NDUFAF1: variants seen among roughly 807,000 people sequenced by gnomAD.
The protein encoded by NDUFAF1 is NADH:ubiquinone oxidoreductase complex assembly factor 1.
A neutral mutation model predicts 28.7 loss-of-function variants in NDUFAF1; 18 were observed. That is an observed-to-expected ratio of 0.63 (90% confidence interval 0.43 to 0.93). The LOEUF (loss-of-function observed/expected upper bound fraction) is 0.93. Ranked by LOEUF, NDUFAF1 falls within the 40% of genes least tolerant of loss-of-function variation. NDUFAF1 has a pLI of 0.00. For synonymous variants in NDUFAF1, 113 were observed against 139.7 expected, an observed-to-expected ratio of 0.81 and a Z score of 1.35; for missense variants, 404 against 398.3, an observed-to-expected ratio of 1.01 and a Z score of -0.12.
intron 3 of NDUFAF1, among the ~76,000 whole-genome samples, chr15:41,391,904 G>C (rs138747987): frequency 8.5e-5 from 13 of 152,098 alleles, no homozygotes; most frequent in African/African-American, 2.9e-4. Flanking sequence ...GCAAAGCTCT[G>C]AGATGGAAAT....
intron 1 of NDUFAF1, among the ~76,000 whole-genome samples, chr15:41,400,786 C>A (rs1374015137): frequency 6.7e-6 from 1 of 149,364 alleles, no homozygotes; most frequent in Non-Finnish European, 1.5e-5. Flanking sequence ...ATCCACCTGC[C>A]TTGTTCTCCC....
chr15:41,396,034 G>A (rs1479327478), intron 2 of NDUFAF1, among the ~76,000 whole-genome samples: 1 of 151,316 alleles, frequency 6.6e-6, no homozygotes, highest in Non-Finnish European at 1.5e-5. Context: ...GTTGCAGTGA[G>A]CCGAGATCAC....
chr15:41,396,798 C>T lies in NDUFAF1; in HGVS notation c.262G>A (p.Asp88Asn), dbSNP rs755937936. Residue 88 changes from aspartate to asparagine, a missense_variant, in exon 2 of 5, where the codon GAT becomes AAT. Physicochemically the swap from Asp to Asn is conservative, Grantham distance 23. Transcript: ENST00000260361. ...PDVSFDKAIRDEAIYHFRLLK... is the reference protein window; with the variant it reads ...PDVSFDKAIRNEAIYHFRLLK... ...AGCCTAAAATGGTATATTGCTTCAT[C>T]TCTAATTGCTTTATCGAAACTAACA... 1.2e-5 allele frequency: 20 copies of T among 1,614,178 alleles called. No homozygotes were observed. The East Asian group carries it at 4.0e-4, about 32-fold the overall frequency.
At chr15:41,393,285 C>T (rs1406698901) in intron 3 of NDUFAF1, among the ~76,000 whole-genome samples, 6 of 148,264 alleles carry the variant, frequency 4.0e-5, no homozygotes, top group African/African-American at 5.0e-5. Context: ...CCACCATGCC[C>T]GGCTAATTTT....
At chr15:41,388,370 A>T in intron 4 of NDUFAF1, 78 bp downstream of exon 4, 2 of 1,170,356 alleles carry the variant, frequency 1.7e-6, no homozygotes, top group Non-Finnish European at 2.6e-6. Flanking sequence ...CAGCCTTCTC[A>T]AATGAACTCA....
rs1354208878 is a variant in NDUFAF1 at position 41,402,160 on chromosome 15, C to T, written c.-98G>A. ...ATGCCTTACCATGTGCCAGAAACTGCTCTAAGTGTTTCACTGACGGCTCAC... is the reference window on the plus strand; with the variant it reads ...ATGCCTTACCATGTGCCAGAAACTGTTCTAAGTGTTTCACTGACGGCTCAC... On this transcript the variant is annotated 5_prime_UTR_variant, in exon 1 of 5. Coordinates refer to ENST00000260361, the MANE Select transcript of NDUFAF1 (RefSeq NM_016013.4). 2 of 453,070 alleles carry T rather than the reference C, an allele frequency of 4.4e-6. No individual in the cohort carries two copies. Among genetic ancestry groups the T allele is most frequent in the East Asian group, 1.4e-4 (2 of 14,390 alleles). The allele number at this position is 453,070 out of a possible 1,614,324, so 28.1% of individuals were successfully genotyped here.
At chr15:41,401,930 C>T (rs2140933611) in intron 1 of NDUFAF1, among the ~76,000 whole-genome samples, 1 of 152,242 alleles carries the variant, frequency 6.6e-6, no homozygotes, top group South Asian at 2.1e-4. Context: ...CAAATGATAG[C>T]TCATAAAATG....
At position 41,394,018 on chromosome 15, in the gene NDUFAF1, AC is replaced by A. The variant is rs1228921324; in HGVS notation, c.759+840del. 22 of 200,888 alleles carry A rather than the reference AC, an allele frequency of 1.1e-4. 1 individual carries two copies. The highest frequency in any genetic ancestry group is 2.5e-4 in the South Asian group (8 of 31,498). The allele number at this position is 200,888 out of a possible 1,614,324, so 12.4% of individuals were successfully genotyped here. ...GCCACCACGCCTGGCCTAGGACACT[AC>A]TTTTTTTTTTTTTTTTTTTTTTTTT... is the stretch of plus-strand genomic sequence containing the variant. On this transcript the variant is annotated intron_variant, in intron 3 of 4. Coordinates refer to ENST00000260361, the MANE Select transcript of NDUFAF1 (RefSeq NM_016013.4).
At position 41,397,093 on chromosome 15, in the gene NDUFAF1, G is replaced by C. The variant is rs751720445; in HGVS notation, c.-34C>G. On this transcript the variant is annotated 5_prime_UTR_variant, in exon 2 of 5. Transcript: ENST00000260361. ...AAAATCAAAATGTAAGTTTCTTCCT[G>C]GGCTAGCAAGGGCCACCAAGAAGCT... 26 of 1,583,052 alleles carry C rather than the reference G, an allele frequency of 1.6e-5. No homozygotes were observed. Among genetic ancestry groups the C allele is most frequent in the South Asian group, 3.3e-5 (3 of 89,694 alleles).
At position 41,397,130 on chromosome 15, in the gene NDUFAF1, C is replaced by T; in HGVS notation, c.-71G>A. 1 of 1,203,738 alleles carries T rather than the reference C, an allele frequency of 8.3e-7. No individual in the cohort carries two copies. The allele number at this position is 1,203,738 out of a possible 1,614,324, so 74.6% of individuals were successfully genotyped here. A position where few individuals can be genotyped will look rare whatever the true frequency, so the allele number is the denominator to read the frequency against. On this transcript the variant is annotated 5_prime_UTR_variant, in exon 2 of 5. Coordinates refer to ENST00000260361, the MANE Select transcript of NDUFAF1 (RefSeq NM_016013.4). Reference sequence around the variant, plus strand: ...GCCACCAAGAAGCTTCAGCAAATAGCCCAATTCTACCTATAACAGAAGAGA... The same window carrying T: ...GCCACCAAGAAGCTTCAGCAAATAGTCCAATTCTACCTATAACAGAAGAGA...
At chr15:41,395,883 T>C (rs2050380305) in intron 2 of NDUFAF1, among the ~76,000 whole-genome samples, 1 of 148,860 alleles carries the variant, frequency 6.7e-6, no homozygotes, top group Non-Finnish European at 1.5e-5. Flanking sequence ...AGGTCAGGAG[T>C]TCAAGACCAG....
At chr15:41,395,165 TAAG>T (rs1366315600) in intron 2 of NDUFAF1, 121 bp from the exon 3 acceptor site, 7 of 843,486 alleles carry the variant, frequency 8.3e-6, no homozygotes, top group South Asian at 1.4e-5. Context: ...TTCTGCCCCA[TAAG>T]AAGGCACATA....
chr15:41,393,000 G>A (rs979828496), intron 3 of NDUFAF1, among the ~76,000 whole-genome samples: 2 of 152,132 alleles, frequency 1.3e-5, no homozygotes, highest in African/African-American at 4.8e-5. Context: ...GTCAGCTGCT[G>A]AGTGTATTTT....
chr15:41,394,069 C>T (rs1400694138), intron 3 of NDUFAF1: 1 of 147,880 alleles, frequency 6.8e-6, no homozygotes, highest in East Asian at 1.8e-4. Context: ...GCTCTTGTTG[C>T]CCAGGCTGGA....
chr15:41,393,121 G>GTTTT (rs763641971), intron 3 of NDUFAF1, among the ~76,000 whole-genome samples: 5 of 123,960 alleles, frequency 4.0e-5, no homozygotes, highest in South Asian at 2.5e-4. Context: ...TTCTTGTTGA[G>GTTTT]TTTTTTTTTT....
At chr15:41,389,857 T>C (rs1313996665) in intron 3 of NDUFAF1, among the ~76,000 whole-genome samples, 1 of 152,164 alleles carries the variant, frequency 6.6e-6, no homozygotes, top group Non-Finnish European at 1.5e-5. Context: ...GAATATAGCC[T>C]ATGAAAATAG....
intron 1 of NDUFAF1, among the ~76,000 whole-genome samples, chr15:41,400,890 C>A (rs891115321): frequency 1.3e-5 from 2 of 151,726 alleles, no homozygotes; most frequent in African/African-American, 4.8e-5. Context: ...GCCATCCACA[C>A]ACAAATCCTA....
intron 3 of NDUFAF1, among the ~76,000 whole-genome samples, chr15:41,394,620 CTTTTTTTT>C (rs35958824): frequency 2.3e-4 from 13 of 55,588 alleles, no homozygotes; most frequent in African/African-American, 8.3e-4. Flanking sequence ...ATCTCCAAGA[CTTTTTTTT>C]TTTTTTTTTT....
rs769044074 is a variant in NDUFAF1 at position 41,395,021 on chromosome 15, A to C, written c.597T>G (p.Ser199=). Residue 199 remains serine, a synonymous_variant, in exon 3 of 5, where the codon TCT becomes TCG. Transcript: ENST00000260361. ...GAGTATTGAACTGGGACCAATCGTAAGACATCTTCCTCTCAAAAGCACCCT... is the reference window on the plus strand; with the variant it reads ...GAGTATTGAACTGGGACCAATCGTACGACATCTTCCTCTCAAAAGCACCCT... ...IPRGAFERKM[S]YDWSQFNTLY... is the part of the protein sequence containing the mutation. The C allele has an allele frequency of 8.7e-6, 14 of 1,613,976 alleles. No homozygotes were observed. The African/African-American group carries it at 1.6e-4, about 18-fold the overall frequency.
Sources: allele counts gnomAD v4.1 joint callset (sites outside exome capture counted in the v4.1 genomes callset), GRCh38; gene constraint gnomAD v4.1.1; transcripts MANE v1.5; gene names NCBI Gene and HGNC (gene_info 2026-07-23, HGNC 2026-07-21).